The following BTRC variants were observed in gnomAD, a reference collection of about 807,000 sequenced individuals.
BTRC encodes the protein F-box/WD repeat-containing protein 1A.
Under a neutral mutation model 85.5 loss-of-function variants are expected in BTRC, and 42 were observed. That is an observed-to-expected ratio of 0.49 (90% confidence interval 0.38 to 0.64). BTRC has a LOEUF of 0.64. BTRC is among the 30% of genes least tolerant of loss of function. The pLI is 0.00. For synonymous variants in BTRC, 255 were observed against 263.3 expected (o/e 0.97, Z 0.30); for missense variants, 594 against 743.5 (o/e 0.80, Z 2.34).
chr10:101,484,194 C>T (rs1229319989), intron 4 of BTRC, among the ~76,000 whole-genome samples: 1 of 152,162 alleles, frequency 6.6e-6, no homozygotes, highest in African/African-American at 2.4e-5. Flanking sequence ...CTGTTTGAAA[C>T]TGACTGAGAC....
At chr10:101,416,358 C>T (rs1943945986) in intron 1 of BTRC, among the ~76,000 whole-genome samples, 1 of 152,018 alleles carries the variant, frequency 6.6e-6, no homozygotes, top group African/African-American at 2.4e-5. Flanking sequence ...TTGAATGCTT[C>T]GTAATTATTC....
intron 1 of BTRC, among the ~76,000 whole-genome samples, chr10:101,392,546 G>C (rs1943262070): frequency 6.6e-6 from 1 of 152,056 alleles, no homozygotes; most frequent in African/African-American, 2.4e-5. Flanking sequence ...GCCCAGGCTA[G>C]AGTGCAGTGG....
In BTRC at chr10:101,536,554, T is replaced by C; in HGVS notation, c.1478T>C (p.Ile493Thr). The C allele has an allele frequency of 6.2e-7, 1 of 1,612,602 alleles. No homozygotes were observed. Among genetic ancestry groups the C allele is most frequent in the South Asian group, 1.1e-5 (1 of 91,020 alleles). The change falls in exon 12 of 15, where the codon ATA (isoleucine) becomes ACA (threonine). Residue 493 changes from isoleucine to threonine, a missense_variant. Ile to Thr is a moderately conservative substitution (Grantham distance 89). This residue lies in a region of BTRC where 373 missense variants were observed against 503.6 expected (regional missense o/e 0.74). Coordinates refer to ENST00000370187, the MANE Select transcript of BTRC (RefSeq NM_033637.4). ...ATTTTCTCTTCCAGATTATGGGACA[T>C]AGAATGTGGTGCATGTTTACGAGTG... ...SSDNTIRLWD[I>T]ECGACLRVLE... is the part of the protein sequence containing the mutation.
chr10:101,475,171 A>G (rs1008129229), intron 3 of BTRC, among the ~76,000 whole-genome samples: 1 of 152,198 alleles, frequency 6.6e-6, no homozygotes, highest in African/African-American at 2.4e-5. Flanking sequence ...ATTTTTTCAT[A>G]TATATTTTGA....
intron 14 of BTRC, 102 bp downstream of exon 14, chr10:101,550,993 C>A: frequency 9.2e-7 from 1 of 1,092,736 alleles, no homozygotes; most frequent in Non-Finnish European, 1.3e-6. Flanking sequence ...TTTGGGTCAC[C>A]AACTCCTGTA....
intron 4 of BTRC, among the ~76,000 whole-genome samples, chr10:101,497,358 G>A (rs1425494571): frequency 1.3e-5 from 2 of 152,114 alleles, no homozygotes; most frequent in Non-Finnish European, 2.9e-5. Context: ...CACGCCTTGT[G>A]TACTACAGCA....
intron 1 of BTRC, among the ~76,000 whole-genome samples, chr10:101,400,565 C>G (rs1231795279): frequency 1.3e-5 from 2 of 152,156 alleles, no homozygotes; most frequent in East Asian, 1.9e-4. Context: ...CTCTCCCTAT[C>G]AATGAGAAGG....
Position 101,372,033 on chromosome 10 carries a change from AGG to A in BTRC, c.48+17807_48+17808del, listed in dbSNP as rs1240207156. Among the ~76,000 whole-genome samples, 4 of 152,030 alleles carry A rather than the reference AGG, an allele frequency of 2.6e-5. No individual in the cohort carries two copies. The South Asian group carries it at 6.2e-4, about 24-fold the overall frequency. ...GAAAAGATTGTTCTTTTTCTATTGC[AGG>A]GTCATTTTTGTCATATTAATGTCTA... On this transcript the variant is annotated intron_variant, in intron 1 of 14. Coordinates refer to ENST00000370187, the MANE Select transcript of BTRC (RefSeq NM_033637.4).
At chr10:101,374,070 A>G (rs199987059) in intron 1 of BTRC, among the ~76,000 whole-genome samples, 1 of 152,198 alleles carries the variant, frequency 6.6e-6, no homozygotes, top group East Asian at 1.9e-4. Context: ...CCATGATAAG[A>G]GGTTAAGAAA....
intron 4 of BTRC, among the ~76,000 whole-genome samples, chr10:101,494,951 T>G (rs1946223036): frequency 6.6e-6 from 1 of 152,204 alleles, no homozygotes; most frequent in Non-Finnish European, 1.5e-5. Flanking sequence ...AAAGGGAGTT[T>G]ACAAGCATAG....
At chr10:101,482,622 C>G (rs1457659695) in intron 4 of BTRC, among the ~76,000 whole-genome samples, 1 of 151,220 alleles carries the variant, frequency 6.6e-6, no homozygotes, top group African/African-American at 2.4e-5. Flanking sequence ...GTCTTGATCT[C>G]CTGACGTCGT....
chr10:101,502,875 T>C (rs1024830070), intron 4 of BTRC, among the ~76,000 whole-genome samples: 5 of 152,210 alleles, frequency 3.3e-5, no homozygotes, highest in African/African-American at 1.2e-4. Flanking sequence ...TATTTAAATA[T>C]AGTGAAGCAT....
chr10:101,413,189 A>G (rs1943830130), intron 1 of BTRC, among the ~76,000 whole-genome samples: 1 of 152,168 alleles, frequency 6.6e-6, no homozygotes, highest in African/African-American at 2.4e-5. Flanking sequence ...CAGTGGTGCA[A>G]TCTCGGCTCA....
intron 1 of BTRC, among the ~76,000 whole-genome samples, chr10:101,398,710 T>C (rs1174112363): frequency 2.0e-5 from 3 of 152,234 alleles, no homozygotes; most frequent in African/African-American, 7.2e-5. Context: ...TGGAGGATTT[T>C]ATATTTGATG....
intron 4 of BTRC, among the ~76,000 whole-genome samples, chr10:101,496,009 T>C (rs201444608): frequency 4.4e-4 from 1 of 2,252 alleles, no homozygotes; most frequent in African/African-American, 8.2e-4. Flanking sequence ...TCATATAGTA[T>C]TTTTTTTTTT....
chr10:101,532,922 T>C, intron 8 of BTRC, 30 bp from the exon 9 acceptor site: 4 of 1,538,420 alleles, frequency 2.6e-6, no homozygotes, highest in African/African-American at 1.4e-5. Context: ...ATCATCACAT[T>C]GATCAAAAGG....
At chr10:101,456,768 G>A (rs1024404507) in intron 2 of BTRC, among the ~76,000 whole-genome samples, 4 of 152,118 alleles carry the variant, frequency 2.6e-5, no homozygotes, top group Non-Finnish European at 4.4e-5. Flanking sequence ...AAAGTTGACA[G>A]GGAGACTTTC....
Position 101,553,849 on chromosome 10 carries a change from A to G in BTRC, c.*726A>G, listed in dbSNP as rs187898090. 37 of 152,686 alleles carry G rather than the reference A, an allele frequency of 2.4e-4. No individual in the cohort carries two copies. The highest frequency in any genetic ancestry group is 7.9e-4 in the African/African-American group (33 of 41,524). 9.5% of individuals were successfully genotyped at this position (152,686 alleles called of 1,614,324 possible). A position where few individuals can be genotyped will look rare whatever the true frequency, so the allele number is the denominator to read the frequency against. On this transcript the variant is annotated 3_prime_UTR_variant, in exon 15 of 15. Transcript: ENST00000370187. ...ACCTGAGAAGAAAGTGTACGAAGAG[A>G]GTGTCCTCCTCTCACATGAGCCAGA...
intron 1 of BTRC, among the ~76,000 whole-genome samples, chr10:101,356,214 A>C (rs779702860): frequency 1.3e-5 from 2 of 152,084 alleles, no homozygotes; most frequent in Non-Finnish European, 2.9e-5. Context: ...GTTGGCCAGG[A>C]TGGTCTCATC....
Sources: gnomAD v4.1 joint callset for allele counts (sites outside exome capture counted in the v4.1 genomes callset) on GRCh38, gnomAD v4.1.1 for gene constraint, gnomAD v4.1.1 regional missense constraint, MANE v1.5 for transcripts, NCBI Gene and HGNC (gene_info 2026-07-23, HGNC 2026-07-21) for gene names.